Variants in CLTA observed in about 807,000 individuals in gnomAD.
CLTA encodes clathrin light chain A, also known as clathrin, light polypeptide (Lca).
Under a neutral mutation model 26.9 loss-of-function variants are expected in CLTA, and 9 were observed. That is an observed-to-expected ratio of 0.33 (90% CI 0.20 to 0.58). CLTA has a LOEUF of 0.58. CLTA is among the 20% of genes least tolerant of loss of function. The probability of loss-of-function intolerance (pLI) is 0.85; values close to 1 mark genes in which losing one functional copy is unlikely to be tolerated. For synonymous variants in CLTA, 120 were observed against 115.5 expected (o/e 1.04, Z -0.25); for missense variants, 278 against 294.2 (o/e 0.94, Z 0.40).
chr9:36,206,019 C>T (rs1278207761), intron 4 of CLTA, among the ~76,000 whole-genome samples: 1 of 152,106 alleles, frequency 6.6e-6, no homozygotes, highest in Non-Finnish European at 1.5e-5. Flanking sequence ...CTTGGCCTCC[C>T]AAAGTGCTGG....
At chr9:36,197,519 T>C in intron 1 of CLTA, 32 bp from the exon 2 acceptor site, 1 of 1,584,482 alleles carries the variant, frequency 6.3e-7, no homozygotes, top group Non-Finnish European at 8.7e-7. Flanking sequence ...TGACCAGTCC[T>C]TATTGATAGA....
chr9:36,191,670 A>C (rs1161140749), intron 1 of CLTA, among the ~76,000 whole-genome samples: 2 of 152,226 alleles, frequency 1.3e-5, no homozygotes, highest in African/African-American at 4.8e-5. Context: ...CGTTATTAGA[A>C]AAGGAGGGCG....
In CLTA at chr9:36,198,988, G is replaced by C. The variant is rs751614208; in HGVS notation, c.265G>C (p.Gly89Arg). ...MNGEYYQESN[G>R]PTDSYAAISQ... ...TGTGTTTTGTGTTAAGGAAAGTAAT[G>C]GTCCAACAGACAGTTATGCAGCTAT... Residue 89 changes from glycine (G) to arginine (R), a missense_variant, in exon 3 of 5, where the codon GGT becomes CGT. Gly to Arg is a moderately radical substitution (Grantham distance 125). Coordinates refer to ENST00000345519, the MANE Select transcript of CLTA (RefSeq NM_001833.4). 2 of 1,611,110 alleles carry C rather than the reference G, an allele frequency of 1.2e-6. No homozygotes were observed. Among genetic ancestry groups the C allele is most frequent in the African/African-American group, 2.7e-5 (2 of 74,838 alleles).
At chr9:36,199,291 A>G (rs148034834) in intron 3 of CLTA, among the ~76,000 whole-genome samples, 195 bp downstream of exon 3, 8 of 152,288 alleles carry the variant, frequency 5.3e-5, no homozygotes, top group African/African-American at 1.9e-4. Flanking sequence ...GGAGTAGGGT[A>G]GCCGGAGATC....
chr9:36,209,296 C>T (rs1405571849), intron 4 of CLTA: 1 of 1,613,818 alleles, frequency 6.2e-7, no homozygotes, highest in Non-Finnish European at 8.5e-7. Context: ...TACAAACAAC[C>T]CTTCGCTGAC....
rs1489307561 is a variant in CLTA, at chr9:36,197,329, A to T, written c.218-222A>T. Among the ~76,000 whole-genome samples the T allele has an allele frequency of 4.6e-5, 7 of 152,330 alleles. No homozygotes were observed. In the East Asian group the frequency reaches 1.3e-3, roughly 29 times the overall value. ...ATAGAAAACAGAAAATAAAATCAAA[A>T]GCTTTTGGACTTGGGAGCTTAAGGA... is the stretch of plus-strand genomic sequence containing the variant. On this transcript the variant is annotated intron_variant, in intron 1 of 4. Transcript: ENST00000345519.
At chr9:36,197,527 A>G in intron 1 of CLTA, 24 bp from the exon 2 acceptor site, 1 of 1,602,056 alleles carries the variant, frequency 6.2e-7, no homozygotes, top group South Asian at 1.1e-5. Context: ...CCTTATTGAT[A>G]GACCAAAATC....
Position 36,199,009 on chromosome 9 carries a change from G to C in CLTA, c.286G>C (p.Ala96Pro), listed in dbSNP as rs778182334. ...TAATGGTCCAACAGACAGTTATGCA[G>C]CTATTTCACAAGTGGATCGATTGCA... Reference protein sequence around the residue: ...ESNGPTDSYAAISQVDRLQSE... With the variant: ...ESNGPTDSYAPISQVDRLQSE... The change falls in exon 3 of 5, where the codon GCT (alanine) becomes CCT (proline). Residue 96 changes from alanine to proline, a missense_variant. Transcript: ENST00000345519. 3 of 1,613,610 alleles carry C rather than the reference G, an allele frequency of 1.9e-6. No individual in the cohort carries two copies. The African/African-American group carries it at 4.0e-5, about 22-fold the overall frequency.
rs573817106 is a variant in CLTA at position 36,190,949 on chromosome 9, T to C, written c.-108T>C. 2.2e-5 allele frequency: 32 copies of C among 1,432,186 alleles called. No homozygotes were observed. The Middle Eastern group carries it at 6.0e-4, about 27-fold the overall frequency. The allele number at this position is 1,432,186 out of a possible 1,614,324, so 88.7% of individuals were successfully genotyped here. On this transcript the variant is annotated 5_prime_UTR_variant, in exon 1 of 5. Transcript: ENST00000345519. Reference sequence around the variant, plus strand: ...CTTTACCCGTCTCCCTCCTGGCGCTTGTCCTCCTCTCCCAGTCGGCACCAC... The same window carrying C: ...CTTTACCCGTCTCCCTCCTGGCGCTCGTCCTCCTCTCCCAGTCGGCACCAC...
In CLTA at chr9:36,191,101, C is replaced by A; in HGVS notation, c.45C>A (p.Gly15=). 6.3e-7 allele frequency: 1 copy of A among 1,593,734 alleles called. No individual in the cohort carries two copies. The highest frequency in any genetic ancestry group is 8.5e-7 in the Non-Finnish European group (1 of 1,174,622). Residue 15 remains glycine, a synonymous_variant, in exon 1 of 5, where the codon GGC becomes GGA. Coordinates refer to ENST00000345519, the MANE Select transcript of CLTA (RefSeq NM_001833.4). ...DPFGAPAGAP[G]GPALGNGVAG... The stretch of plus-strand genomic sequence containing the variant: ...TCGGCGCCCCTGCCGGCGCCCCTGG[C>A]GGTCCCGCGCTGGGGAACGGAGTGG...
intron 2 of CLTA, 33 bp downstream of exon 2, chr9:36,197,621 T>G: frequency 2.0e-6 from 3 of 1,503,436 alleles, no homozygotes; most frequent in Non-Finnish European, 1.8e-6. Context: ...TCATTGATAG[T>G]GATTGAGAAT....
chr9:36,206,623 G>A (rs572847149), intron 4 of CLTA, among the ~76,000 whole-genome samples: 18 of 152,292 alleles, frequency 1.2e-4, no homozygotes, highest in Non-Finnish European at 1.9e-4. Flanking sequence ...GCCGGACACC[G>A]TGACTCAACA....
intron 4 of CLTA, among the ~76,000 whole-genome samples, chr9:36,207,363 C>T (rs1447171398): frequency 6.6e-6 from 1 of 152,260 alleles, no homozygotes; most frequent in Non-Finnish European, 1.5e-5. Flanking sequence ...CAGAACATTT[C>T]CCCTATTACA....
chr9:36,190,901 C>A, upstream of CLTA: 3 of 1,316,306 alleles, frequency 2.3e-6, no homozygotes, highest in South Asian at 4.9e-5. Context: ...CTAGACCGAC[C>A]GGATACACGG....
chr9:36,204,019 T>A lies in CLTA; in HGVS notation c.374-49T>A, dbSNP rs779113292. The A allele has an allele frequency of 2.5e-6, 4 of 1,609,260 alleles. No homozygotes were observed. In the East Asian group the frequency reaches 8.9e-5, roughly 36 times the overall value. ...ACCAAAATAAACTGATGAACTTCAG[T>A]TTGCACTTTGCCTCAATTGTATTGT... On this transcript the variant is annotated intron_variant, in intron 3 of 4. Transcript: ENST00000345519.
chr9:36,198,833 A>G (rs1163524833), intron 2 of CLTA, 146 bp from the exon 3 acceptor site: 3 of 543,330 alleles, frequency 5.5e-6, no homozygotes, highest in Non-Finnish European at 1.0e-5. Context: ...AGATCGTGCC[A>G]CTGCACTCCA....
intron 4 of CLTA, 52 bp downstream of exon 4, chr9:36,204,231 C>G: frequency 1.9e-6 from 3 of 1,557,140 alleles, no homozygotes; most frequent in Non-Finnish European, 2.6e-6. Context: ...TGAATCAAAT[C>G]CATTCTCAGC....
chr9:36,194,804 T>C (rs569529573), intron 1 of CLTA, among the ~76,000 whole-genome samples: 145 of 152,358 alleles, frequency 9.5e-4, no homozygotes, highest in Non-Finnish European at 4.9e-4. Context: ...ACATGTCCTT[T>C]CTGCATGTTT....
At chr9:36,207,899 C>G (rs1394098732) in intron 4 of CLTA, among the ~76,000 whole-genome samples, 3 of 152,078 alleles carry the variant, frequency 2.0e-5, no homozygotes, top group African/African-American at 7.2e-5. Context: ...CCTGCCTTGC[C>G]TTTTCCTCCC....
Sources: allele counts gnomAD v4.1 joint callset (sites outside exome capture counted in the v4.1 genomes callset), GRCh38; gene constraint gnomAD v4.1.1; transcripts MANE v1.5; gene names NCBI Gene and HGNC (gene_info 2026-07-23, HGNC 2026-07-21).